CLYBL: variants seen among roughly 807,000 people sequenced by gnomAD.
The protein encoded by CLYBL is citramalyl-CoA lyase.
Under a neutral mutation model 38.9 loss-of-function variants are expected in CLYBL, and 31 were observed. The ratio of observed to expected loss-of-function variants is 0.80; its 90% CI spans 0.60 to 1.08. CLYBL has a LOEUF of 1.08. Ranked by LOEUF, CLYBL falls within the 50% of genes least tolerant of loss-of-function variation. CLYBL has a pLI of 0.00. For synonymous variants in CLYBL, 171 were observed against 158.6 expected, an observed-to-expected ratio of 1.08 and a Z score of -0.59; for missense variants, 434 against 411.6, an observed-to-expected ratio of 1.05 and a Z score of -0.47.
intron 1 of CLYBL, among the ~76,000 whole-genome samples, chr13:99,697,958 C>T (rs2048005565): frequency 6.6e-6 from 1 of 152,016 alleles, no homozygotes. Context: ...TCCCAACAGG[C>T]TTTTAAAGCA....
chr13:99,750,752 G>C (rs935874840), intron 1 of CLYBL, among the ~76,000 whole-genome samples: 2 of 149,494 alleles, frequency 1.3e-5, no homozygotes, highest in African/African-American at 4.9e-5. Context: ...AAAATCTTAT[G>C]TTTAAGAACA....
At chr13:99,696,887 A>C (rs748685479) in intron 1 of CLYBL, among the ~76,000 whole-genome samples, 2 of 152,220 alleles carry the variant, frequency 1.3e-5, no homozygotes, top group Non-Finnish European at 2.9e-5. Flanking sequence ...ATCTGTAGAC[A>C]GTTTAAGTCT....
intron 2 of CLYBL, among the ~76,000 whole-genome samples, chr13:99,809,113 G>A (rs2050288884): frequency 6.6e-6 from 1 of 152,124 alleles, no homozygotes; most frequent in Non-Finnish European, 1.5e-5. Flanking sequence ...AGCTTCCTAT[G>A]ACAATTTCCA....
intron 1 of CLYBL, among the ~76,000 whole-genome samples, chr13:99,721,806 A>ATAAC (rs1566301239): frequency 6.6e-6 from 1 of 151,882 alleles, no homozygotes. Flanking sequence ...GTGGTAGGTT[A>ATAAC]GTTCCTGGCC....
chr13:99,736,497 C>G (rs1230685175), intron 1 of CLYBL, among the ~76,000 whole-genome samples: 1 of 151,672 alleles, frequency 6.6e-6, no homozygotes, highest in Non-Finnish European at 1.5e-5. Context: ...GGGACACTGT[C>G]TTGGTATTTT....
intron 1 of CLYBL, among the ~76,000 whole-genome samples, chr13:99,676,678 G>A (rs373296812): frequency 6.5e-4 from 98 of 151,686 alleles, no homozygotes; most frequent in African/African-American, 2.3e-3. Flanking sequence ...ACTGCAACCT[G>A]CACCTCCCAG....
intron 2 of CLYBL, among the ~76,000 whole-genome samples, chr13:99,796,399 T>C (rs2050023476): frequency 6.6e-6 from 1 of 152,180 alleles, no homozygotes; most frequent in African/African-American, 2.4e-5. Context: ...GCTGTGGAGC[T>C]GACCATGGTG....
intron 1 of CLYBL, among the ~76,000 whole-genome samples, chr13:99,671,892 T>C (rs375539182): frequency 9.4e-4 from 143 of 152,180 alleles, no homozygotes; most frequent in African/African-American, 3.3e-3. Context: ...GTGCCTGGAC[T>C]CACGTCCCTG....
intron 7 of CLYBL, among the ~76,000 whole-genome samples, chr13:99,872,661 C>A (rs1478695260): frequency 6.6e-6 from 1 of 152,188 alleles, no homozygotes; most frequent in Admixed American, 6.5e-5. Context: ...TCTGGGCCAG[C>A]ACTGTGTCTA....
chr13:99,856,864 C>G (rs887408763), intron 2 of CLYBL, among the ~76,000 whole-genome samples: 2 of 151,120 alleles, frequency 1.3e-5, no homozygotes, highest in Non-Finnish European at 2.9e-5. Context: ...GTCTTGAACT[C>G]TTGACCTCAG....
At chr13:99,855,312 G>T (rs1156527310) in intron 2 of CLYBL, among the ~76,000 whole-genome samples, 1 of 152,066 alleles carries the variant, frequency 6.6e-6, no homozygotes, top group Non-Finnish European at 1.5e-5. Flanking sequence ...GCTCTTTTTG[G>T]GGTGACCGCT....
chr13:99,790,152 A>G (rs966032235), intron 2 of CLYBL, among the ~76,000 whole-genome samples: 29 of 152,058 alleles, frequency 1.9e-4, no homozygotes, highest in Admixed American at 1.6e-3. Flanking sequence ...TCTTTATCCA[A>G]TTTGCCAGTC....
At chr13:99,871,153 A>C (rs1430999191) in intron 7 of CLYBL, 91 bp downstream of exon 7, 58 of 1,420,912 alleles carry the variant, frequency 4.1e-5, no homozygotes, top group Non-Finnish European at 5.7e-5. Flanking sequence ...TGGTTTAAGA[A>C]AACTCATCGT....
intron 1 of CLYBL, chr13:99,643,082 C>T (rs2047120377): frequency 6.5e-6 from 1 of 153,396 alleles, no homozygotes; most frequent in Non-Finnish European, 1.5e-5. Context: ...TCCTTAGAGT[C>T]TCCAGAGGCA....
intron 2 of CLYBL, among the ~76,000 whole-genome samples, chr13:99,827,412 C>T (rs1421398746): frequency 6.6e-6 from 1 of 152,240 alleles, no homozygotes; most frequent in African/African-American, 2.4e-5. Flanking sequence ...AGACCATGAG[C>T]GTGGTCTTGT....
intron 1 of CLYBL, among the ~76,000 whole-genome samples, chr13:99,717,066 C>T (rs2048327890): frequency 6.6e-6 from 1 of 151,908 alleles, no homozygotes; most frequent in Non-Finnish European, 1.5e-5. Flanking sequence ...GCTGGGATTA[C>T]AGGCGTGAGC....
intron 1 of CLYBL, among the ~76,000 whole-genome samples, chr13:99,771,702 G>T (rs1566320325): frequency 6.6e-6 from 1 of 152,118 alleles, no homozygotes; most frequent in Non-Finnish European, 1.5e-5. Flanking sequence ...ACTGAACTTG[G>T]TATGATAGGC....
At chr13:99,905,722 C>CTTT (rs35968589) in intron 9 of CLYBL, among the ~76,000 whole-genome samples, 123 of 146,642 alleles carry the variant, frequency 8.4e-4, no homozygotes, top group Middle Eastern at 3.5e-3. Flanking sequence ...GTTGTTTTTG[C>CTTT]TTTTTTTTTT....
At chr13:99,831,726 T>C (rs1406587368) in intron 2 of CLYBL, among the ~76,000 whole-genome samples, 2 of 151,772 alleles carry the variant, frequency 1.3e-5, no homozygotes. Flanking sequence ...TCTTTCTTTT[T>C]TTTTTTTTTG....
Sources: allele counts gnomAD v4.1 joint callset (sites outside exome capture counted in the v4.1 genomes callset), GRCh38; gene constraint gnomAD v4.1.1; transcripts MANE v1.5; gene names NCBI Gene and HGNC (gene_info 2026-07-23, HGNC 2026-07-21).